The following NEIL3 variants were observed in gnomAD, a reference collection of about 807,000 sequenced individuals.
NEIL3 encodes the protein nei like DNA glycosylase 3.
A neutral mutation model predicts 57.5 loss-of-function variants in NEIL3; 48 were observed. The ratio of observed to expected loss-of-function variants is 0.83; its 90% CI spans 0.66 to 1.06. The LOEUF (loss-of-function observed/expected upper bound fraction) is 1.06. Among genes scored for constraint, NEIL3 ranks in the 50% least tolerant of loss-of-function variants. NEIL3 has a pLI of 0.00. For synonymous variants in NEIL3, 261 were observed against 253.2 expected, an observed-to-expected ratio of 1.03 and a Z score of -0.29; for missense variants, 717 against 739.1, an observed-to-expected ratio of 0.97 and a Z score of 0.35.
intron 7 of NEIL3, among the ~76,000 whole-genome samples, chr4:177,351,969 T>C (rs1735362201): frequency 6.6e-6 from 1 of 152,230 alleles, no homozygotes; most frequent in African/African-American, 2.4e-5. Context: ...CTGAATTTTT[T>C]CTCTTCTTTA....
At chr4:177,310,695 G>A (rs1308284955) in intron 1 of NEIL3, among the ~76,000 whole-genome samples, 1 of 152,180 alleles carries the variant, frequency 6.6e-6, no homozygotes, top group Non-Finnish European at 1.5e-5. Context: ...AAGTAAACTA[G>A]CACAGCTTCT....
the NEIL3 span, among the ~76,000 whole-genome samples, chr4:177,369,056 A>G: frequency 6.6e-6 from 1 of 152,226 alleles, no homozygotes; most frequent in Admixed American, 6.5e-5. Flanking sequence ...TCTGTTGAAC[A>G]CCTACTATGT....
chr4:177,339,780 A>G lies in NEIL3; in HGVS notation c.628-3A>G. On this transcript the variant is annotated splice_polypyrimidine_tract_variant and splice_region_variant and intron_variant, in intron 4 of 9. Coordinates refer to ENST00000264596, the MANE Select transcript of NEIL3 (RefSeq NM_018248.3). ...TAGGCTCTGCTGTTTTTTCCACTTC[A>G]AGGTTTGTCAATTAACAGATGAACA... The G allele has an allele frequency of 6.2e-7, 1 of 1,607,958 alleles. No homozygotes were observed. The highest frequency in any genetic ancestry group is 8.5e-7 in the Non-Finnish European group (1 of 1,174,840).
At chr4:177,335,565 A>T in intron 2 of NEIL3, 123 bp from the exon 3 acceptor site, 1 of 750,722 alleles carries the variant, frequency 1.3e-6, no homozygotes, top group Non-Finnish European at 2.1e-6. Flanking sequence ...TCTGCCCTTT[A>T]AAAGTGTCTA....
At chr4:177,359,776 G>A (rs934390283) in intron 8 of NEIL3, among the ~76,000 whole-genome samples, 1 of 152,156 alleles carries the variant, frequency 6.6e-6, no homozygotes, top group Non-Finnish European at 1.5e-5. Context: ...TTCTTTTCAA[G>A]AAGAAAATTC....
chr4:177,352,228 T>C (rs1156268599), intron 7 of NEIL3, among the ~76,000 whole-genome samples: 1 of 152,220 alleles, frequency 6.6e-6, no homozygotes, highest in African/African-American at 2.4e-5. Context: ...TTGTGTCAAC[T>C]GTCATATTGT....
At chr4:177,338,753 A>G (rs1735026870) in intron 4 of NEIL3, among the ~76,000 whole-genome samples, 1 of 152,244 alleles carries the variant, frequency 6.6e-6, no homozygotes, top group African/African-American at 2.4e-5. Context: ...TAATGCATGT[A>G]TAGAAATGCA....
chr4:177,353,202 CT>C (rs916609079), intron 7 of NEIL3, 105 bp from the exon 8 acceptor site: 10 of 924,336 alleles, frequency 1.1e-5, no homozygotes, highest in Admixed American at 2.5e-5. Flanking sequence ...TATTAGTTCA[CT>C]GTAATAAAGT....
chr4:177,311,400 G>T (rs1185091919), intron 1 of NEIL3, among the ~76,000 whole-genome samples: 2 of 152,076 alleles, frequency 1.3e-5, no homozygotes, highest in Non-Finnish European at 2.9e-5. Flanking sequence ...TGTGGGCCGG[G>T]TGCAGTGGCT....
chr4:177,330,182 G>A (rs771124898), intron 2 of NEIL3, among the ~76,000 whole-genome samples: 3 of 152,076 alleles, frequency 2.0e-5, no homozygotes, highest in Non-Finnish European at 2.9e-5. Flanking sequence ...AAAGTGCTGG[G>A]ATTACAGGCG....
At chr4:177,368,885 A>G in the NEIL3 span, among the ~76,000 whole-genome samples, 1 of 152,206 alleles carries the variant, frequency 6.6e-6, no homozygotes, top group African/African-American at 2.4e-5. Context: ...TAAAAGGGAA[A>G]GAAGACACAG....
At position 177,353,315 on chromosome 4, in the gene NEIL3, G is replaced by A; in HGVS notation, c.1047G>A (p.Val349=). 2 of 1,611,806 alleles carry A rather than the reference G, an allele frequency of 1.2e-6. No homozygotes were observed. Among genetic ancestry groups the A allele is most frequent in the South Asian group, 1.1e-5 (1 of 90,508 alleles). ...ACLTSRPIDS[V]LKSEENSTVF... ...ACTTCTCTCTCCTTCCAGATTCAGT[G>A]CTCAAGAGTGAAGAAAATTCTACTG... The change falls in exon 8 of 10, where the codon GTG becomes GTA. Residue 349 remains valine, a synonymous_variant. Transcript: ENST00000264596.
intron 6 of NEIL3, among the ~76,000 whole-genome samples, chr4:177,348,236 A>G (rs1237404645): frequency 6.6e-6 from 1 of 152,134 alleles, no homozygotes; most frequent in Non-Finnish European, 1.5e-5. Context: ...CATGTCTAAC[A>G]CGTTCCCACA....
In NEIL3 at chr4:177,362,842, T is replaced by C. The variant is rs141675395; in HGVS notation, c.*371T>C. On this transcript the variant is annotated 3_prime_UTR_variant, in exon 10 of 10. Coordinates refer to ENST00000264596, the MANE Select transcript of NEIL3 (RefSeq NM_018248.3). Reference sequence around the variant, plus strand: ...ACAATAAAATAAGATATTCTGTCTGTAGTGAATACATTTCTCATGTACTAA... The same window carrying C: ...ACAATAAAATAAGATATTCTGTCTGCAGTGAATACATTTCTCATGTACTAA... 100 of 154,878 alleles carry C rather than the reference T, an allele frequency of 6.5e-4. No individual in the cohort carries two copies. In the East Asian group the frequency reaches 0.018, roughly 27 times the overall value. The allele number at this position is 154,878 out of a possible 1,614,324, so 9.6% of individuals were successfully genotyped here.
chr4:177,347,414 T>C (rs1735246026), intron 6 of NEIL3, among the ~76,000 whole-genome samples: 1 of 152,148 alleles, frequency 6.6e-6, no homozygotes. Context: ...TTGGAGGGTT[T>C]TGAACGGGCG....
At chr4:177,355,788 A>G (rs1409407036) in intron 8 of NEIL3, among the ~76,000 whole-genome samples, 2 of 152,170 alleles carry the variant, frequency 1.3e-5, no homozygotes, top group Non-Finnish European at 2.9e-5. Flanking sequence ...TCTCTGCTCA[A>G]TAGATGTGTT....
chr4:177,322,467 A>G lies in NEIL3; in HGVS notation c.165A>G (p.Ala55=), dbSNP rs753406458. 6.7e-5 allele frequency: 108 copies of G among 1,613,826 alleles called. No homozygotes were observed. The highest frequency in any genetic ancestry group is 8.7e-5 in the Non-Finnish European group (103 of 1,179,870). Residue 55 remains alanine, a synonymous_variant, in exon 2 of 10, where the codon GCA becomes GCG. Coordinates refer to ENST00000264596, the MANE Select transcript of NEIL3 (RefSeq NM_018248.3). ...CATGTATTTTCCACTAGGCTGCTGC[A>G]CTGAATAATGATTCCAGCCAGAATG... is the stretch of plus-strand genomic sequence containing the variant. The part of the protein sequence containing the change: ...STVVVSPQAA[A]LNNDSSQNVL...
At chr4:177,325,335 T>C (rs566623119) in intron 2 of NEIL3, among the ~76,000 whole-genome samples, 1 of 152,270 alleles carries the variant, frequency 6.6e-6, no homozygotes, top group South Asian at 2.1e-4. Context: ...TTTTACTCTG[T>C]ATAATACTTT....
intron 6 of NEIL3, among the ~76,000 whole-genome samples, chr4:177,344,637 C>G (rs930176529): frequency 2.6e-5 from 4 of 151,690 alleles, no homozygotes; most frequent in Non-Finnish European, 5.9e-5. Context: ...TCTCGGCTCA[C>G]TGCAACTTTC....
Sources: gnomAD v4.1 joint callset for allele counts (sites outside exome capture counted in the v4.1 genomes callset) on GRCh38, gnomAD v4.1.1 for gene constraint, MANE v1.5 for transcripts, NCBI Gene and HGNC (gene_info 2026-07-23, HGNC 2026-07-21) for gene names.